The following ZFPM2 variants were observed in gnomAD, a reference collection of about 807,000 sequenced individuals.
ZFPM2 encodes zinc finger protein ZFPM2.
Under a neutral mutation model 98.6 loss-of-function variants are expected in ZFPM2, and 20 were observed. That is an observed-to-expected ratio of 0.20 (90% CI 0.14 to 0.29). The LOEUF (loss-of-function observed/expected upper bound fraction) is 0.29. ZFPM2 is among the 10% of genes least tolerant of loss of function. The pLI, the probability that ZFPM2 is intolerant of heterozygous loss-of-function variation, is 1.00. For missense variants in ZFPM2, 1,310 were observed against 1,388.6 expected, an observed-to-expected ratio of 0.94 and a Z score of 0.90; for synonymous variants, 518 against 502.7, an observed-to-expected ratio of 1.03 and a Z score of -0.41.
At position 105,514,581 on chromosome 8, in the gene ZFPM2, G is replaced by A. The variant is rs537493918; in HGVS notation, c.302-46782G>A. Among the ~76,000 whole-genome samples, 7 of 152,072 alleles carry A rather than the reference G, an allele frequency of 4.6e-5. No individual in the cohort carries two copies. The South Asian group carries it at 6.2e-4, about 14-fold the overall frequency. ...TGTGAGAAGCCTCACTATAAACAGC[G>A]CATTGCTTTTCCTTGCCACAGTACT... is the stretch of plus-strand genomic sequence containing the variant. On this transcript the variant is annotated intron_variant, in intron 3 of 7. Transcript: ENST00000407775.
chr8:105,686,803 C>G (rs114729271), intron 5 of ZFPM2, among the ~76,000 whole-genome samples: 1,792 of 152,214 alleles, frequency 0.012, 30 homozygotes, highest in African/African-American at 0.04. Flanking sequence ...TAAAGTGTTT[C>G]TACAGAAAAT....
At chr8:105,476,874 C>T (rs989856004) in intron 3 of ZFPM2, among the ~76,000 whole-genome samples, 1 of 152,000 alleles carries the variant, frequency 6.6e-6, no homozygotes, top group Non-Finnish European at 1.5e-5. Context: ...GCCAGCACTA[C>T]AGCTTTCAAG....
At chr8:105,713,919 A>G (rs535105722) in intron 5 of ZFPM2, among the ~76,000 whole-genome samples, 2 of 152,258 alleles carry the variant, frequency 1.3e-5, no homozygotes, top group African/African-American at 4.8e-5. Context: ...CTTTTTGCTT[A>G]GGATTGCTTT....
chr8:105,584,474 C>T (rs749709753), intron 4 of ZFPM2, among the ~76,000 whole-genome samples: 3 of 152,024 alleles, frequency 2.0e-5, no homozygotes, highest in Non-Finnish European at 4.4e-5. Context: ...TTCTTTTTCC[C>T]GTGGCGTCAA....
intron 3 of ZFPM2, among the ~76,000 whole-genome samples, chr8:105,549,518 T>TCTTCCTTCCTTCCTTC (rs766530405): frequency 0.091 from 4,422 of 48,424 alleles, 204 homozygotes; most frequent in African/African-American, 0.12. Context: ...CTCCCTCCCA[T>TCTTCCTTCCTTCCTTC]CTTCCTTCCT....
chr8:105,657,147 T>C (rs933581786), intron 5 of ZFPM2, among the ~76,000 whole-genome samples: 3 of 152,148 alleles, frequency 2.0e-5, no homozygotes, highest in African/African-American at 7.2e-5. Context: ...CTATTCTTTT[T>C]CTTTTTTTTG....
At chr8:105,535,596 G>C (rs1220335104) in intron 3 of ZFPM2, among the ~76,000 whole-genome samples, 3 of 151,970 alleles carry the variant, frequency 2.0e-5, no homozygotes, top group Non-Finnish European at 4.4e-5. Context: ...GATTTTTCTG[G>C]GCTTCTTTTG....
intron 1 of ZFPM2, among the ~76,000 whole-genome samples, chr8:105,329,720 T>A (rs1403787580): frequency 6.6e-6 from 1 of 151,660 alleles, no homozygotes; most frequent in East Asian, 1.9e-4. Flanking sequence ...CTGAGAAGCT[T>A]AGGTTAAAAA....
intron 1 of ZFPM2, among the ~76,000 whole-genome samples, chr8:105,390,806 A>T (rs1811092029): frequency 6.6e-6 from 1 of 152,186 alleles, no homozygotes; most frequent in African/African-American, 2.4e-5. Flanking sequence ...TAGTATTAAC[A>T]TTCTAGCTTA....
intron 3 of ZFPM2, among the ~76,000 whole-genome samples, chr8:105,450,857 A>T (rs1812471106): frequency 2.0e-5 from 3 of 152,128 alleles, no homozygotes; most frequent in Non-Finnish European, 2.9e-5. Flanking sequence ...ATATCGGATT[A>T]AAAGATGAAA....
intron 4 of ZFPM2, among the ~76,000 whole-genome samples, chr8:105,590,008 C>G (rs865858639): frequency 1.3e-4 from 20 of 152,332 alleles, no homozygotes; most frequent in Middle Eastern, 3.4e-3. Context: ...GTGTGAGCCA[C>G]TGCTCCCGGC....
At chr8:105,651,923 A>G (rs1000177224) in intron 5 of ZFPM2, among the ~76,000 whole-genome samples, 7 of 152,166 alleles carry the variant, frequency 4.6e-5, no homozygotes, top group African/African-American at 1.7e-4. Context: ...CCTTAGTGAG[A>G]TTTTTAAAAT....
chr8:105,521,569 C>T (rs1379945130), intron 3 of ZFPM2, among the ~76,000 whole-genome samples: 4 of 151,294 alleles, frequency 2.6e-5, no homozygotes, highest in Non-Finnish European at 5.9e-5. Context: ...AATAATAATA[C>T]AATGTGAAAC....
chr8:105,369,274 A>T (rs1810572000), intron 1 of ZFPM2, among the ~76,000 whole-genome samples: 1 of 152,174 alleles, frequency 6.6e-6, no homozygotes, highest in African/African-American at 2.4e-5. Flanking sequence ...GACGTGAATT[A>T]TATAAATATG....
intron 5 of ZFPM2, among the ~76,000 whole-genome samples, chr8:105,664,709 T>C (rs1311781080): frequency 6.6e-6 from 1 of 152,210 alleles, no homozygotes; most frequent in Non-Finnish European, 1.5e-5. Flanking sequence ...TGGAATTTTA[T>C]TTTTGGCATA....
At chr8:105,329,957 G>A (rs1812180883) in intron 1 of ZFPM2, among the ~76,000 whole-genome samples, 1 of 151,650 alleles carries the variant, frequency 6.6e-6, no homozygotes, top group African/African-American at 2.4e-5. Context: ...AAAAAAATCT[G>A]TATTTGCTTG....
At chr8:105,377,741 C>A (rs1485127406) in intron 1 of ZFPM2, among the ~76,000 whole-genome samples, 1 of 151,804 alleles carries the variant, frequency 6.6e-6, no homozygotes, top group Non-Finnish European at 1.5e-5. Context: ...GATTGCACCA[C>A]TGCACACCAG....
At position 105,561,425 on chromosome 8, in the gene ZFPM2, G is replaced by A; in HGVS notation, c.364G>A (p.Val122Met). ...AATTCAGAGTCGACAGCAACTTCCA[G>A]TGGGAACAACCTGGGGGCCGTTTCC... Reference protein sequence around the residue: ...RKIQSRQQLPVGTTWGPFPGK... With the variant: ...RKIQSRQQLPMGTTWGPFPGK... Residue 122 changes from valine (V) to methionine (M), a missense_variant, in exon 4 of 8, where the codon GTG becomes ATG. Physicochemically the swap from Val to Met is conservative, Grantham distance 21. Transcript: ENST00000407775. 2 of 1,613,538 alleles carry A rather than the reference G, an allele frequency of 1.2e-6. No homozygotes were observed. Among genetic ancestry groups the A allele is most frequent in the Non-Finnish European group, 1.7e-6 (2 of 1,179,658 alleles).
At chr8:105,643,772 C>T (rs1816988708) in intron 5 of ZFPM2, among the ~76,000 whole-genome samples, 1 of 152,198 alleles carries the variant, frequency 6.6e-6, no homozygotes, top group South Asian at 2.1e-4. Context: ...TATTTAACAT[C>T]CTCTGTTAAA....
Sources: gnomAD v4.1 joint callset for allele counts (sites outside exome capture counted in the v4.1 genomes callset) on GRCh38, gnomAD v4.1.1 for gene constraint, MANE v1.5 for transcripts, NCBI Gene and HGNC (gene_info 2026-07-23, HGNC 2026-07-21) for gene names.